LIMK2: variants seen among roughly 807,000 people sequenced by gnomAD.
LIMK2 encodes the protein LIM domain kinase 2.
LIMK2 carries 35 observed loss-of-function variants against 75.7 expected under a neutral mutation model. That is an observed-to-expected ratio of 0.46 (90% CI 0.35 to 0.61). The LOEUF (loss-of-function observed/expected upper bound fraction) is 0.61, where lower values mean the gene tolerates loss of function less well. Among genes scored for constraint, LIMK2 ranks in the 20% least tolerant of loss-of-function variants. LIMK2 has a pLI of 0.00. For synonymous variants in LIMK2, 301 were observed against 319.2 expected (o/e 0.94, Z 0.61); for missense variants, 623 against 831.0 (o/e 0.75, Z 3.08).
At chr22:31,216,701 C>A (rs565828571) in intron 1 of LIMK2, among the ~76,000 whole-genome samples, 1 of 152,274 alleles carries the variant, frequency 6.6e-6, no homozygotes, top group East Asian at 1.9e-4. Context: ...AAATAAAAAT[C>A]CGTCATGATC....
At chr22:31,257,889 G>A (rs528803341) in intron 2 of LIMK2, among the ~76,000 whole-genome samples, 2 of 152,326 alleles carry the variant, frequency 1.3e-5, no homozygotes, top group Admixed American at 6.5e-5. Context: ...TATCTGTCAA[G>A]ACCAGAGATC....
chr22:31,267,665 A>C (rs868254075), intron 9 of LIMK2, 111 bp from the exon 10 acceptor site: 19 of 1,155,102 alleles, frequency 1.6e-5, no homozygotes, highest in African/African-American at 6.2e-5. Context: ...ACAAGATAGG[A>C]GGTAGGAGAT....
chr22:31,269,286 C>CTTTTTTTTTTTTTT (rs796361643), intron 11 of LIMK2, among the ~76,000 whole-genome samples: 1 of 95,480 alleles, frequency 1.0e-5, no homozygotes, highest in Non-Finnish European at 2.2e-5. Flanking sequence ...ATTTTTTTTT[C>CTTTTTTTTTTTTTT]TTTTTTTTTT....
intron 2 of LIMK2, chr22:31,248,528 T>G: frequency 1.9e-6 from 3 of 1,583,634 alleles, no homozygotes; most frequent in Non-Finnish European, 2.6e-6. Context: ...GGGAATCTGC[T>G]GGGGGCCAAG....
At position 31,262,583 on chromosome 22, in the gene LIMK2, T is replaced by C; in HGVS notation, c.658-12T>C. The C allele has an allele frequency of 6.2e-7, 1 of 1,606,172 alleles. No individual in the cohort carries two copies. The highest frequency in any genetic ancestry group is 8.5e-7 in the Non-Finnish European group (1 of 1,174,888). ...GCAGCCTGTGGGAGCTTTATACTGCTCTTGGCCACAGGTGGAGGATGCAAT... is the reference window on the plus strand; with the variant it reads ...GCAGCCTGTGGGAGCTTTATACTGCCCTTGGCCACAGGTGGAGGATGCAAT... On this transcript the variant is annotated splice_polypyrimidine_tract_variant and intron_variant, in intron 6 of 15. Coordinates refer to ENST00000331728, the MANE Select transcript of LIMK2 (RefSeq NM_005569.4). This position sits in a 1 kb window ranked among gnomAD's most constrained non-coding sequence, Gnocchi z 5.0.
In LIMK2 at chr22:31,273,515, C is replaced by A; in HGVS notation, c.1614+8C>A. ...GGGATCGTTCTCTGTGAGGTGAGCTCTGGCACCAAGGCCATGCCCGAGGCA... is the reference window on the plus strand; with the variant it reads ...GGGATCGTTCTCTGTGAGGTGAGCTATGGCACCAAGGCCATGCCCGAGGCA... On this transcript the variant is annotated splice_region_variant and intron_variant, in intron 14 of 15. Coordinates refer to ENST00000331728, the MANE Select transcript of LIMK2 (RefSeq NM_005569.4). The A allele has an allele frequency of 6.2e-7, 1 of 1,613,256 alleles. No individual in the cohort carries two copies. The highest frequency in any genetic ancestry group is 1.1e-5 in the South Asian group (1 of 91,054).
At chr22:31,259,735 G>T (rs1410998913) in intron 4 of LIMK2, among the ~76,000 whole-genome samples, 154 bp from the exon 5 acceptor site, 1 of 152,128 alleles carries the variant, frequency 6.6e-6, no homozygotes, top group Middle Eastern at 3.2e-3. Context: ...TGAGAACCCA[G>T]GCTCCTCATT....
rs746599250 is a variant in LIMK2, at chr22:31,246,183, G to GCGCACACACACACACACACA, written c.117-12107_117-12106insGCACACACACACACACACAC. ...GCGAGACTCCGACACACGCACGCAC[G>GCGCACACACACACACACACA]CACACACACACACACACACACACAC... is the stretch of plus-strand genomic sequence containing the variant. On this transcript the variant is annotated intron_variant, in intron 2 of 15. Transcript: ENST00000331728. 1.3e-3 allele frequency among the ~76,000 whole-genome samples: 177 copies of GCGCACACACACACACACACA among 135,090 alleles called. 3 individuals carry two copies. The highest frequency in any genetic ancestry group is 3.9e-3 in the Middle Eastern group (1 of 258). The allele number at this position is 135,090 out of a possible 152,430, so 88.6% of individuals were successfully genotyped here. A position where few individuals can be genotyped will look rare whatever the true frequency, so the allele number is the denominator to read the frequency against.
intron 2 of LIMK2, among the ~76,000 whole-genome samples, chr22:31,239,543 A>G (rs926565881): frequency 1.3e-5 from 2 of 152,170 alleles, no homozygotes; most frequent in African/African-American, 4.8e-5. Flanking sequence ...GTCTGCCAAT[A>G]CCATCCCATC....
chr22:31,273,649 C>A, intron 14 of LIMK2, 142 bp downstream of exon 14: 1 of 672,502 alleles, frequency 1.5e-6, no homozygotes, highest in Non-Finnish European at 2.7e-6. Context: ...TATAACGCAT[C>A]TGCACATCTT....
At chr22:31,266,167 C>G (rs1405629891) in intron 8 of LIMK2, 35 bp downstream of exon 8, 1 of 1,601,328 alleles carries the variant, frequency 6.2e-7, no homozygotes, top group Non-Finnish European at 8.6e-7. Flanking sequence ...GCTCTTCTGC[C>G]CCCAGTCCCT....
At chr22:31,244,329 T>TA (rs2048647801) in intron 2 of LIMK2, among the ~76,000 whole-genome samples, 1 of 152,252 alleles carries the variant, frequency 6.6e-6, no homozygotes. Flanking sequence ...AATTAAAAGA[T>TA]AATTTGCTAG....
chr22:31,231,270 A>C (rs992174401), intron 2 of LIMK2, among the ~76,000 whole-genome samples: 3 of 152,216 alleles, frequency 2.0e-5, no homozygotes, highest in Non-Finnish European at 4.4e-5. Flanking sequence ...CATGGACTCT[A>C]TAATGTCAAC....
chr22:31,256,498 G>A (rs963546218), intron 2 of LIMK2, among the ~76,000 whole-genome samples: 1 of 150,516 alleles, frequency 6.6e-6, no homozygotes, highest in Non-Finnish European at 1.5e-5. Context: ...ATGCCACCAC[G>A]CCCAGCTAAT....
chr22:31,277,470 T>A (rs2049043114), intron 15 of LIMK2: 1 of 1,117,810 alleles, frequency 8.9e-7, no homozygotes, highest in African/African-American at 1.6e-5. Context: ...TGAAATTTTC[T>A]GGTGGGAGAA....
chr22:31,238,220 G>A (rs1568988069), intron 2 of LIMK2, among the ~76,000 whole-genome samples: 1 of 151,888 alleles, frequency 6.6e-6, no homozygotes. Flanking sequence ...TTCAGATAAA[G>A]ATGCTGAATC....
chr22:31,221,513 C>A (rs1055301018), intron 1 of LIMK2, among the ~76,000 whole-genome samples: 4 of 152,016 alleles, frequency 2.6e-5, no homozygotes, highest in Non-Finnish European at 5.9e-5. Flanking sequence ...GAGACAGAGT[C>A]TCGCTCTGTC....
chr22:31,216,195 C>A (rs2048387684), intron 1 of LIMK2, among the ~76,000 whole-genome samples: 1 of 152,148 alleles, frequency 6.6e-6, no homozygotes, highest in Non-Finnish European at 1.5e-5. Flanking sequence ...TTAGGGAATA[C>A]TTCTTGAAGT....
intron 2 of LIMK2, among the ~76,000 whole-genome samples, chr22:31,249,028 G>T (rs1412284452): frequency 6.6e-6 from 1 of 152,144 alleles, no homozygotes; most frequent in Non-Finnish European, 1.5e-5. Context: ...AAACCTGAAG[G>T]AGCCTCCAAA....
Sources: allele counts gnomAD v4.1 joint callset (sites outside exome capture counted in the v4.1 genomes callset), GRCh38; gene constraint gnomAD v4.1.1; non-coding constraint Gnocchi (gnomAD v3.1); transcripts MANE v1.5; gene names NCBI Gene and HGNC (gene_info 2026-07-23, HGNC 2026-07-21).